The following SLC9C1 variants were observed in gnomAD, a reference collection of about 807,000 sequenced individuals.
SLC9C1 encodes sodium/hydrogen exchanger 10.
SLC9C1 carries 97 observed loss-of-function variants against 140.9 expected under a neutral mutation model. The observed-to-expected ratio is 0.69, with a 90% CI of 0.58 to 0.82. The LOEUF (loss-of-function observed/expected upper bound fraction) is 0.82. Among genes scored for constraint, SLC9C1 ranks in the 40% least tolerant of loss-of-function variants. SLC9C1 has a pLI of 0.00. For missense variants in SLC9C1, 1,340 were observed against 1,389.3 expected, an observed-to-expected ratio of 0.96 and a Z score of 0.56; for synonymous variants, 440 against 442.6, an observed-to-expected ratio of 0.99 and a Z score of 0.07.
chr3:112,157,611 G>A (rs2075164228), intron 26 of SLC9C1, among the ~76,000 whole-genome samples: 1 of 151,922 alleles, frequency 6.6e-6, no homozygotes, highest in Non-Finnish European at 1.5e-5. Flanking sequence ...GCTTTGGGTA[G>A]TATAGACCAC....
At chr3:112,217,024 C>CTT (rs2078395041) in intron 15 of SLC9C1, among the ~76,000 whole-genome samples, 1 of 152,088 alleles carries the variant, frequency 6.6e-6, no homozygotes, top group Non-Finnish European at 1.5e-5. Context: ...ACTATGCAGC[C>CTT]ATAAAAAGGG....
chr3:112,283,820 T>C (rs190160932), intron 2 of SLC9C1, among the ~76,000 whole-genome samples: 379 of 144,886 alleles, frequency 2.6e-3, no homozygotes, highest in Non-Finnish European at 4.7e-3. Context: ...TGCTGCCAGC[T>C]CTTTAGTCCA....
rs748638400 is a variant in SLC9C1 at position 112,151,966 on chromosome 3, G to A, written c.3418-3C>T. 7.0e-6 allele frequency: 11 copies of A among 1,578,814 alleles called. No homozygotes were observed. Among genetic ancestry groups the A allele is most frequent in the South Asian group, 2.4e-5 (2 of 84,166 alleles). On this transcript the variant is annotated splice_region_variant and splice_polypyrimidine_tract_variant and intron_variant, in intron 27 of 28. Transcript: ENST00000305815. ...GTGGCGGCACTGTGTGCTCCATCCT[G>A]GGATTCAAAACACTTTGTTACTTGA...
At chr3:112,150,629 C>A (rs948435101) in intron 28 of SLC9C1, among the ~76,000 whole-genome samples, 1 of 151,516 alleles carries the variant, frequency 6.6e-6, no homozygotes, top group South Asian at 2.1e-4. Context: ...GCCTCTAATC[C>A]GCCATTAAAT....
chr3:112,224,587 A>G (rs2078630359), intron 13 of SLC9C1, among the ~76,000 whole-genome samples: 1 of 88,436 alleles, frequency 1.1e-5, no homozygotes, highest in South Asian at 7.6e-4. Context: ...AAACTCAACA[A>G]AAAGATAGAT....
chr3:112,182,702 T>C (rs2107962861), intron 20 of SLC9C1, among the ~76,000 whole-genome samples: 1 of 152,292 alleles, frequency 6.6e-6, no homozygotes, highest in South Asian at 2.1e-4. Flanking sequence ...AGTAAAAACA[T>C]CTGTGTAACA....
Position 112,167,286 on chromosome 3 carries a change from G to C in SLC9C1, c.3299C>G (p.Thr1100Arg). ...VIIQTPINMK[T>R]FRRNIRKFVP... ...AAACTTTCTAATATTCCTTCTGAAT[G>C]TTTTCATGTTAATCGGAGTTTGAAT... The change falls in exon 26 of 29, where the codon ACA becomes AGA. Residue 1100 changes from threonine (T) to arginine (R), a missense_variant. Thr to Arg is a moderately conservative substitution (Grantham distance 71). Transcript: ENST00000305815. 6.2e-7 allele frequency: 1 copy of C among 1,608,490 alleles called. No individual in the cohort carries two copies. The highest frequency in any genetic ancestry group is 8.5e-7 in the Non-Finnish European group (1 of 1,177,654).
rs188792249 is a variant in SLC9C1 at position 112,276,542 on chromosome 3, A to C, written c.484+1153T>G. On this transcript the variant is annotated intron_variant, in intron 5 of 28. Transcript: ENST00000305815. The stretch of plus-strand genomic sequence containing the variant: ...GAAAGATACAGGGAGGAGAGAAACA[A>C]AATTCTGAAAGTAATGGCAAGATGG... Among the ~76,000 whole-genome samples, 353 of 152,232 alleles carry C rather than the reference A, an allele frequency of 2.3e-3. 2 individuals are homozygous for C. Among genetic ancestry groups the C allele is most frequent in the African/African-American group, 7.8e-3 (322 of 41,536 alleles).
chr3:112,229,105 A>G (rs1045700332), intron 13 of SLC9C1, among the ~76,000 whole-genome samples: 1 of 152,124 alleles, frequency 6.6e-6, no homozygotes, highest in Admixed American at 6.6e-5. Context: ...TCTCACTCAT[A>G]TATGGAAGCT....
At chr3:112,151,569 A>G (rs1375551066) in intron 28 of SLC9C1, 2 of 527,082 alleles carry the variant, frequency 3.8e-6, no homozygotes, top group African/African-American at 3.8e-5. Context: ...CCTGAAAAAT[A>G]ACCTGCTAAA....
chr3:112,260,710 G>C (rs1372332601), intron 10 of SLC9C1, among the ~76,000 whole-genome samples: 2 of 151,998 alleles, frequency 1.3e-5, no homozygotes, highest in Middle Eastern at 3.2e-3. Flanking sequence ...GGTCTTTCTG[G>C]ATTCACAACT....
chr3:112,179,500 C>CAA, intron 23 of SLC9C1, 31 bp downstream of exon 23: 1 of 1,579,472 alleles, frequency 6.3e-7, no homozygotes. Flanking sequence ...TAACAAAATA[C>CAA]AACAAAAGTC....
intron 1 of SLC9C1, among the ~76,000 whole-genome samples, chr3:112,290,150 C>T (rs1480075617): frequency 6.6e-6 from 1 of 152,134 alleles, no homozygotes; most frequent in African/African-American, 2.4e-5. Context: ...TTAACTTGCC[C>T]ACTCTTATGC....
intron 26 of SLC9C1, among the ~76,000 whole-genome samples, chr3:112,165,504 T>C (rs571331919): frequency 2.6e-5 from 4 of 152,384 alleles, no homozygotes; most frequent in African/African-American, 9.6e-5. Flanking sequence ...GACCCTCAGC[T>C]GCAGGTCTGT....
chr3:112,143,453 C>G (rs910639464), intron 28 of SLC9C1, among the ~76,000 whole-genome samples: 15 of 152,048 alleles, frequency 9.9e-5, no homozygotes, highest in African/African-American at 3.6e-4. Context: ...GAGGTAGTAT[C>G]TCATTGTGGT....
chr3:112,144,854 A>T (rs1472322797), intron 28 of SLC9C1, among the ~76,000 whole-genome samples: 4 of 152,156 alleles, frequency 2.6e-5, no homozygotes, highest in Non-Finnish European at 5.9e-5. Flanking sequence ...TAGAGTCCTT[A>T]GGGTTTTTTA....
intron 28 of SLC9C1, among the ~76,000 whole-genome samples, chr3:112,144,360 G>T (rs928398497): frequency 2.0e-5 from 3 of 151,652 alleles, no homozygotes; most frequent in East Asian, 1.9e-4. Flanking sequence ...TGTATTTTTA[G>T]TAGAGACGGG....
intron 1 of SLC9C1, among the ~76,000 whole-genome samples, chr3:112,288,133 C>G (rs188458303): frequency 6.6e-6 from 1 of 150,574 alleles, no homozygotes; most frequent in Non-Finnish European, 1.5e-5. Flanking sequence ...CATACACACA[C>G]GCACACACAC....
intron 21 of SLC9C1, among the ~76,000 whole-genome samples, chr3:112,181,455 A>G (rs1226330069): frequency 6.6e-6 from 1 of 152,242 alleles, no homozygotes; most frequent in Non-Finnish European, 1.5e-5. Context: ...TAAAAAAAGA[A>G]TATTAGAACA....
Sources: allele counts gnomAD v4.1 joint callset (sites outside exome capture counted in the v4.1 genomes callset), GRCh38; gene constraint gnomAD v4.1.1; transcripts MANE v1.5; gene names NCBI Gene and HGNC (gene_info 2026-07-23, HGNC 2026-07-21).